COL18A1: variants seen among roughly 807,000 people sequenced by gnomAD.
The protein encoded by COL18A1 is collagen alpha-1(XVIII) chain.
A neutral mutation model predicts 168.0 loss-of-function variants in COL18A1; 133 were observed. That is an observed-to-expected ratio of 0.79 (90% CI 0.69 to 0.91). The LOEUF (loss-of-function observed/expected upper bound fraction) is 0.91. Among genes scored for constraint, COL18A1 ranks in the 40% least tolerant of loss-of-function variants. The probability of loss-of-function intolerance (pLI) is 0.00; values close to 1 mark genes in which losing one functional copy is unlikely to be tolerated. For synonymous variants in COL18A1, 949 were observed against 809.0 expected (o/e 1.17, Z -2.94); for missense variants, 2,126 against 1,925.4 (o/e 1.10, Z -1.95).
intron 4 of COL18A1, 27 bp downstream of exon 4, chr21:45,474,008 GGTC>G (rs1198780645): frequency 1.3e-6 from 2 of 1,550,324 alleles, no homozygotes; most frequent in Non-Finnish European, 1.8e-6. Flanking sequence ...GCACGGGTGG[GGTC>G]TCCCCTCAAT....
At chr21:45,481,850 C>A (rs775372514) in intron 13 of COL18A1, 113 bp from the exon 14 acceptor site, 2 of 780,678 alleles carry the variant, frequency 2.6e-6, no homozygotes, top group Non-Finnish European at 4.5e-6. Context: ...GTCTGGGGAA[C>A]GTTCTGTGTC....
intron 9 of COL18A1, among the ~76,000 whole-genome samples, chr21:45,479,067 G>A (rs934353954): frequency 1.0e-4 from 14 of 138,564 alleles, no homozygotes; most frequent in Admixed American, 2.2e-4. Context: ...CTGCAACAGG[G>A]TACACGCACG....
At chr21:45,456,223 A>C (rs1219245958) in intron 2 of COL18A1, 1 of 1,605,998 alleles carries the variant, frequency 6.2e-7, no homozygotes. Context: ...CTCCCTGGGG[A>C]AGCCTGCAGG....
chr21:45,433,858 A>G (rs977421671), intron 2 of COL18A1, among the ~76,000 whole-genome samples: 1 of 152,212 alleles, frequency 6.6e-6, no homozygotes, highest in Non-Finnish European at 1.5e-5. Flanking sequence ...GTGGCATGGC[A>G]TGACAGGCTG....
chr21:45,459,909 G>A (rs1158326684), intron 2 of COL18A1, among the ~76,000 whole-genome samples: 3 of 152,134 alleles, frequency 2.0e-5, no homozygotes, highest in Non-Finnish European at 4.4e-5. Context: ...CAACAGCAAC[G>A]GGTGCCTGGC....
intron 2 of COL18A1, among the ~76,000 whole-genome samples, chr21:45,445,002 G>T (rs534642228): frequency 6.6e-6 from 1 of 152,244 alleles, no homozygotes; most frequent in East Asian, 1.9e-4. Context: ...TTCACATTCC[G>T]TGCAATTCAC....
chr21:45,445,566 C>T (rs1008792479), intron 2 of COL18A1, among the ~76,000 whole-genome samples: 2 of 152,242 alleles, frequency 1.3e-5, no homozygotes, highest in Non-Finnish European at 2.9e-5. Context: ...ATCTCACGTC[C>T]CTTCCTGCAG....
At chr21:45,478,100 C>A in intron 8 of COL18A1, 135 bp downstream of exon 8, 2 of 741,506 alleles carry the variant, frequency 2.7e-6, no homozygotes, top group Non-Finnish European at 2.3e-6. Flanking sequence ...TTAGGCCCAC[C>A]GTTGCTCGGG....
intron 2 of COL18A1, among the ~76,000 whole-genome samples, chr21:45,465,370 T>A (rs1040568564): frequency 6.6e-6 from 1 of 151,492 alleles, no homozygotes; most frequent in Non-Finnish European, 1.5e-5. Context: ...TTTCTTAGGT[T>A]GTTTTTAGCC....
rs2036491200 is a variant in COL18A1 at position 45,495,279 on chromosome 21, C to T, written c.2434-79C>T. 2.7e-5 allele frequency: 34 copies of T among 1,260,202 alleles called. 1 individual carries two copies. The South Asian group carries it at 4.3e-4, about 16-fold the overall frequency. The allele number at this position is 1,260,202 out of a possible 1,614,324, so 78.1% of individuals were successfully genotyped here. A position where few individuals can be genotyped will look rare whatever the true frequency, so the allele number is the denominator to read the frequency against. On this transcript the variant is annotated intron_variant, in intron 28 of 41. Coordinates refer to ENST00000651438, the MANE Select transcript of COL18A1 (RefSeq NM_001379500.1). The stretch of plus-strand genomic sequence containing the variant: ...TGGGCCGGCCGGGCCTGGCGTGGGG[C>T]TAACGGCAGGCACCCTGCGGGAAGG...
chr21:45,450,129 C>G (rs1178467277), intron 2 of COL18A1, among the ~76,000 whole-genome samples: 1 of 152,190 alleles, frequency 6.6e-6, no homozygotes, highest in South Asian at 2.1e-4. Context: ...GTTTCGCTCC[C>G]TGGAATCTCC....
intron 2 of COL18A1, among the ~76,000 whole-genome samples, chr21:45,454,713 C>CG (rs916740213): frequency 2.4e-4 from 36 of 152,122 alleles, no homozygotes; most frequent in South Asian, 2.1e-4. Flanking sequence ...GGGCAGCTGG[C>CG]GGGGGGGCAC....
intron 36 of COL18A1, 39 bp downstream of exon 36, chr21:45,505,470 T>G: frequency 9.2e-7 from 1 of 1,091,216 alleles, no homozygotes; most frequent in Non-Finnish European, 1.4e-6. Context: ...CTGCGTCCCG[T>G]GCCCTGGCTG....
At chr21:45,415,958 G>A (rs1034254544) in intron 2 of COL18A1, among the ~76,000 whole-genome samples, 2 of 152,200 alleles carry the variant, frequency 1.3e-5, no homozygotes, top group African/African-American at 2.4e-5. Flanking sequence ...CACTGCGTGG[G>A]CCCTCGGCTA....
rs559392439 is a variant in COL18A1, at chr21:45,475,489, C to T, written c.752C>T (p.Ser251Phe). The change falls in exon 5 of 42, where the codon TCT becomes TTT. Residue 251 changes from serine to phenylalanine, a missense_variant. Transcript: ENST00000651438. The part of the protein sequence containing the change: ...GDDSDGASGD[S>F]GSGLGDAREL... Reference sequence around the variant, plus strand: ...CAAACTCCTCAGGCATCCGGAGACTCTGGCAGCGGGCTCGGGGACGCCCGG... The same window carrying T: ...CAAACTCCTCAGGCATCCGGAGACTTTGGCAGCGGGCTCGGGGACGCCCGG... The T allele has an allele frequency of 6.9e-6, 11 of 1,605,226 alleles. No homozygotes were observed. Among genetic ancestry groups the T allele is most frequent in the Non-Finnish European group, 8.5e-6 (10 of 1,177,588 alleles).
chr21:45,480,182 G>C (rs368674626), intron 11 of COL18A1, 26 bp downstream of exon 11: 2 of 1,373,648 alleles, frequency 1.5e-6, no homozygotes, highest in Non-Finnish European at 2.1e-6. Flanking sequence ...GGCTTCCTGC[G>C]ACCCGGGGTC....
chr21:45,436,130 G>C (rs1033875730), intron 2 of COL18A1, among the ~76,000 whole-genome samples: 1 of 152,342 alleles, frequency 6.6e-6, no homozygotes, highest in South Asian at 2.1e-4. Flanking sequence ...CATGTTTAAA[G>C]GGGGCTCATT....
intron 2 of COL18A1, among the ~76,000 whole-genome samples, chr21:45,454,938 T>A (rs184051388): frequency 1.3e-5 from 2 of 152,174 alleles, no homozygotes; most frequent in African/African-American, 4.8e-5. Flanking sequence ...GCCCCAGCTT[T>A]GAGGGGAGGC....
At position 45,509,498 on chromosome 21, in the gene COL18A1, C is replaced by A. The variant is rs2037443964; in HGVS notation, c.3392C>A (p.Pro1131His). Residue 1131 changes from proline to histidine, a missense_variant, in exon 39 of 42, where the codon CCC becomes CAC. Physicochemically the swap from Pro to His is moderately conservative, Grantham distance 77. Coordinates refer to ENST00000651438, the MANE Select transcript of COL18A1 (RefSeq NM_001379500.1). ...GCCAGCCCCCCTCGCCTGCCCGAGC[C>A]CCAGCCCTACCCCGGAGCCCCGCAC... Reference protein sequence around the residue: ...ILASPPRLPEPQPYPGAPHHS... With the variant: ...ILASPPRLPEHQPYPGAPHHS... 2 of 1,529,610 alleles carry A rather than the reference C, an allele frequency of 1.3e-6. No individual in the cohort carries two copies. The highest frequency in any genetic ancestry group is 2.4e-5 in the East Asian group (1 of 41,808). 94.8% of individuals were successfully genotyped at this position (1,529,610 alleles called of 1,614,324 possible).
Sources: gnomAD v4.1 joint callset for allele counts (sites outside exome capture counted in the v4.1 genomes callset) on GRCh38, gnomAD v4.1.1 for gene constraint, MANE v1.5 for transcripts, NCBI Gene and HGNC (gene_info 2026-07-23, HGNC 2026-07-21) for gene names.